CTNNA3: variants seen among roughly 807,000 people sequenced by gnomAD.
The protein encoded by CTNNA3 is catenin alpha 3.
A neutral mutation model predicts 95.7 loss-of-function variants in CTNNA3; 76 were observed. The observed-to-expected ratio is 0.79, with a 90% confidence interval of 0.66 to 0.96. The LOEUF is 0.96. CTNNA3 is among the 40% of genes least tolerant of loss of function. The pLI, the probability that CTNNA3 is intolerant of heterozygous loss-of-function variation, is 0.00. For missense variants in CTNNA3, 1,191 were observed against 1,089.8 expected (o/e 1.09, Z -1.31); for synonymous variants, 431 against 374.4 (o/e 1.15, Z -1.74).
intron 12 of CTNNA3, among the ~76,000 whole-genome samples, chr10:66,286,075 GT>G (rs768847290): frequency 5.1e-4 from 78 of 152,056 alleles, no homozygotes; most frequent in Non-Finnish European, 9.7e-4. Context: ...CCTAGTAGAT[GT>G]TTTTTGGTGA....
chr10:66,159,803 T>G (rs958432664), intron 13 of CTNNA3, among the ~76,000 whole-genome samples: 5 of 151,958 alleles, frequency 3.3e-5, no homozygotes, highest in African/African-American at 1.2e-4. Context: ...ATCTGTCTAG[T>G]CCTGTATTTT....
chr10:67,670,357 GAAC>G (rs1283284338), intron 1 of CTNNA3, among the ~76,000 whole-genome samples: 5 of 152,004 alleles, frequency 3.3e-5, no homozygotes, highest in Non-Finnish European at 5.9e-5. Context: ...TTGCATAATA[GAAC>G]AAAAGAAATA....
At chr10:67,217,031 C>T (rs1007090055) in intron 6 of CTNNA3, among the ~76,000 whole-genome samples, 3 of 152,158 alleles carry the variant, frequency 2.0e-5, no homozygotes, top group Admixed American at 1.3e-4. Context: ...TTTCAGGTTT[C>T]ATACTCACAC....
At chr10:66,210,656 G>A (rs974321749) in intron 13 of CTNNA3, among the ~76,000 whole-genome samples, 1 of 151,838 alleles carries the variant, frequency 6.6e-6, no homozygotes, top group African/African-American at 2.4e-5. Flanking sequence ...ACTTAAAATT[G>A]CATTAAATAA....
intron 11 of CTNNA3, among the ~76,000 whole-genome samples, chr10:66,515,265 A>ATATC (rs10606169): frequency 0.09 from 13,060 of 145,872 alleles, 962 homozygotes; most frequent in East Asian, 0.41. Context: ...CTTATTCCCT[A>ATATC]TATCTATCTA....
intron 7 of CTNNA3, among the ~76,000 whole-genome samples, chr10:66,931,767 G>T (rs1847407970): frequency 2.0e-5 from 3 of 152,152 alleles, no homozygotes; most frequent in Non-Finnish European, 4.4e-5. Flanking sequence ...AGAGGCCATA[G>T]AATTGGTACT....
At chr10:66,892,146 G>T (rs943795079) in intron 7 of CTNNA3, among the ~76,000 whole-genome samples, 2 of 151,972 alleles carry the variant, frequency 1.3e-5, no homozygotes, top group Admixed American at 6.6e-5. Context: ...TTATTTAAAA[G>T]CTGAGAACCC....
At chr10:66,508,048 G>A (rs757500559) in intron 11 of CTNNA3, among the ~76,000 whole-genome samples, 3 of 151,872 alleles carry the variant, frequency 2.0e-5, no homozygotes, top group Non-Finnish European at 4.4e-5. Flanking sequence ...TTTAGATTCT[G>A]TGGAAGAGTT....
chr10:66,081,575 T>A (rs1331337077), intron 14 of CTNNA3, among the ~76,000 whole-genome samples: 1 of 152,104 alleles, frequency 6.6e-6, no homozygotes, highest in Non-Finnish European at 1.5e-5. Context: ...AAGGTTAAAC[T>A]CCATAGACTA....
intron 11 of CTNNA3, among the ~76,000 whole-genome samples, chr10:66,460,016 A>G (rs1224504698): frequency 5.3e-5 from 8 of 152,132 alleles, no homozygotes; most frequent in African/African-American, 1.9e-4. Flanking sequence ...TCCAAAATAG[A>G]CAGCCAATTG....
At chr10:66,723,023 A>T (rs932398575) in intron 9 of CTNNA3, among the ~76,000 whole-genome samples, 1 of 152,148 alleles carries the variant, frequency 6.6e-6, no homozygotes, top group African/African-American at 2.4e-5. Context: ...TCAGGAAAGA[A>T]GTCTTTTCTG....
Position 66,805,371 on chromosome 10 carries a change from T to A in CTNNA3, c.1048-29847A>T, listed in dbSNP as rs547324995. On this transcript the variant is annotated intron_variant, in intron 7 of 17. Coordinates refer to ENST00000433211, the MANE Select transcript of CTNNA3 (RefSeq NM_013266.4). ...CACAGCTAATGTTCAGTTTTATTCT[T>A]TAAAAAAAAAAGAAAAAGAATATTC... 7.5e-3 allele frequency among the ~76,000 whole-genome samples: 1,138 copies of A among 151,464 alleles called. 2 individuals carry two copies. Among genetic ancestry groups the A allele is most frequent in the Non-Finnish European group, 0.012 (847 of 67,860 alleles).
chr10:66,202,710 TTGTC>T (rs2087509478), intron 13 of CTNNA3, among the ~76,000 whole-genome samples: 1 of 152,196 alleles, frequency 6.6e-6, no homozygotes, highest in African/African-American at 2.4e-5. Flanking sequence ...TTTGTGCTGT[TTGTC>T]TGGCAATATT....
At chr10:67,233,121 A>G (rs1189922817) in intron 5 of CTNNA3, among the ~76,000 whole-genome samples, 1 of 152,158 alleles carries the variant, frequency 6.6e-6, no homozygotes, top group Non-Finnish European at 1.5e-5. Context: ...AAGTCAACAA[A>G]GATATCCAGG....
chr10:67,700,904 G>T (rs1389013809), upstream of CTNNA3, among the ~76,000 whole-genome samples: 1 of 152,138 alleles, frequency 6.6e-6, no homozygotes, highest in African/African-American at 2.4e-5. Flanking sequence ...TATATAACTA[G>T]AATAACCAAT....
At chr10:66,849,652 A>ATGTAAAGTC (rs1455244168) in intron 7 of CTNNA3, among the ~76,000 whole-genome samples, 3 of 152,156 alleles carry the variant, frequency 2.0e-5, no homozygotes, top group African/African-American at 7.2e-5. Context: ...GAATAAGGCC[A>ATGTAAAGTC]TGTAAAGTCG....
At chr10:66,250,018 G>C (rs2090487438) in intron 13 of CTNNA3, among the ~76,000 whole-genome samples, 1 of 152,074 alleles carries the variant, frequency 6.6e-6, no homozygotes, top group South Asian at 2.1e-4. Flanking sequence ...CAAATGAGTG[G>C]ATAAAGAAAA....
intron 7 of CTNNA3, among the ~76,000 whole-genome samples, chr10:66,964,003 T>G (rs992602459): frequency 1.3e-5 from 2 of 151,814 alleles, no homozygotes; most frequent in African/African-American, 4.8e-5. Context: ...TGCACCACCA[T>G]GCCCAGCTAA....
At chr10:67,560,898 T>C (rs762671725) in intron 3 of CTNNA3, among the ~76,000 whole-genome samples, 3 of 152,152 alleles carry the variant, frequency 2.0e-5, no homozygotes, top group Middle Eastern at 3.2e-3. Context: ...AGAAGGCCAT[T>C]GCATAATGGT....
Sources: gnomAD v4.1 joint callset for allele counts (sites outside exome capture counted in the v4.1 genomes callset) on GRCh38, gnomAD v4.1.1 for gene constraint, MANE v1.5 for transcripts, NCBI Gene and HGNC (gene_info 2026-07-23, HGNC 2026-07-21) for gene names.